The following TLE4 variants were observed in gnomAD, a reference collection of about 807,000 sequenced individuals.
TLE4 encodes TLE family member 4, transcriptional corepressor.
TLE4 carries 8 observed loss-of-function variants against 92.8 expected under a neutral mutation model. The observed-to-expected ratio is 0.09, with a 90% CI of 0.05 to 0.16. The LOEUF is 0.16. Among genes scored for constraint, TLE4 ranks in the 10% least tolerant of loss-of-function variants. The probability of loss-of-function intolerance (pLI) is 1.00; values close to 1 mark genes in which losing one functional copy is unlikely to be tolerated. For synonymous variants in TLE4, 371 were observed against 374.1 expected, an observed-to-expected ratio of 0.99 and a Z score of 0.10; for missense variants, 675 against 997.6, an observed-to-expected ratio of 0.68 and a Z score of 4.36.
intron 4 of TLE4, among the ~76,000 whole-genome samples, chr9:79,599,553 C>A (rs2045036705): frequency 6.6e-6 from 1 of 152,094 alleles, no homozygotes; most frequent in South Asian, 2.1e-4. Flanking sequence ...AGAAAGGGTC[C>A]CAAAGTCAAA....
intron 8 of TLE4, among the ~76,000 whole-genome samples, chr9:79,660,843 TC>T (rs1407437939): frequency 6.6e-6 from 1 of 152,312 alleles, no homozygotes; most frequent in African/African-American, 2.4e-5. Context: ...TGTGAGTGAC[TC>T]GGGGAGACAC....
chr9:79,658,378 T>C (rs747285136), intron 8 of TLE4, among the ~76,000 whole-genome samples: 7 of 152,228 alleles, frequency 4.6e-5, no homozygotes, highest in Non-Finnish European at 7.3e-5. Context: ...GTTTTTTTCC[T>C]GTGCAAATTC....
intron 8 of TLE4, among the ~76,000 whole-genome samples, chr9:79,661,128 T>C (rs187199111): frequency 1.7e-4 from 26 of 152,376 alleles, no homozygotes; most frequent in Admixed American, 3.9e-4. Flanking sequence ...GGCCTAAGAT[T>C]TAAGTTTTAA....
intron 4 of TLE4, among the ~76,000 whole-genome samples, chr9:79,584,904 CAG>C (rs563888768): frequency 2.2e-4 from 34 of 152,260 alleles, no homozygotes; most frequent in African/African-American, 7.2e-4. Context: ...TCATTCCAAA[CAG>C]AATTTAAAAT....
intron 8 of TLE4, among the ~76,000 whole-genome samples, chr9:79,669,564 C>G (rs1193091385): frequency 6.6e-6 from 1 of 152,100 alleles, no homozygotes; most frequent in Non-Finnish European, 1.5e-5. Flanking sequence ...TGGGCACCAT[C>G]ACTCACATTG....
chr9:79,666,530 C>T (rs145268972), intron 8 of TLE4, among the ~76,000 whole-genome samples: 4 of 152,342 alleles, frequency 2.6e-5, no homozygotes, highest in Non-Finnish European at 5.9e-5. Context: ...TGAGCCATCA[C>T]GCCCCACCCC....
chr9:79,685,486 T>C (rs2065658159), intron 8 of TLE4, among the ~76,000 whole-genome samples: 1 of 152,226 alleles, frequency 6.6e-6, no homozygotes, highest in Non-Finnish European at 1.5e-5. Context: ...TTGGATTGTA[T>C]AGCTGTAATG....
Position 79,639,214 on chromosome 9 carries a change from A to G in TLE4, c.390+11766A>G, listed in dbSNP as rs115922464. 6.9e-3 allele frequency among the ~76,000 whole-genome samples: 1,057 copies of G among 152,186 alleles called. 12 individuals are homozygous for G. The highest frequency in any genetic ancestry group is 0.023 in the African/African-American group (973 of 41,514). On this transcript the variant is annotated intron_variant, in intron 6 of 19. Coordinates refer to ENST00000376552, the MANE Select transcript of TLE4 (RefSeq NM_007005.6). ...GAGCCCTGATAATGTTAGGTCATCTATCCATCCCTGGACTTGTAGTGTGAG... is the reference window on the plus strand; with the variant it reads ...GAGCCCTGATAATGTTAGGTCATCTGTCCATCCCTGGACTTGTAGTGTGAG...
intron 4 of TLE4, among the ~76,000 whole-genome samples, chr9:79,596,581 G>A (rs2044075924): frequency 1.3e-5 from 2 of 152,086 alleles, no homozygotes; most frequent in Non-Finnish European, 2.9e-5. Context: ...GGTCCTTGCA[G>A]CCCTTCCCCT....
At chr9:79,669,500 G>A (rs2061919882) in intron 8 of TLE4, among the ~76,000 whole-genome samples, 1 of 152,200 alleles carries the variant, frequency 6.6e-6, no homozygotes, top group Non-Finnish European at 1.5e-5. Flanking sequence ...TGAATAGTCA[G>A]GAAAATTAAG....
intron 8 of TLE4, chr9:79,668,928 G>A (rs1031427148): frequency 1.4e-5 from 10 of 713,156 alleles, no homozygotes; most frequent in African/African-American, 1.9e-5. Flanking sequence ...TTATTCATGA[G>A]GAATTATCAA....
chr9:79,607,454 G>T (rs2132879845), intron 4 of TLE4, among the ~76,000 whole-genome samples: 1 of 152,164 alleles, frequency 6.6e-6, no homozygotes, highest in South Asian at 2.1e-4. Context: ...GCCCATGCCA[G>T]TGTTCTGAAT....
Position 79,713,713 on chromosome 9 carries a change from C to T in TLE4, c.1340+4014C>T, listed in dbSNP as rs939905428. ...TCCTGAGCTCAGAAACTCAGTTACT[C>T]TAGCTCCTCCTCAGATCTCGTCAAT... is the stretch of plus-strand genomic sequence containing the variant. On this transcript the variant is annotated intron_variant, in intron 14 of 19. Transcript: ENST00000376552. 5.9e-5 allele frequency among the ~76,000 whole-genome samples: 9 copies of T among 152,288 alleles called. No individual in the cohort carries two copies. The East Asian group carries it at 1.7e-3, about 29-fold the overall frequency.
intron 6 of TLE4, among the ~76,000 whole-genome samples, chr9:79,629,951 G>A (rs572009249): frequency 3.3e-5 from 5 of 152,174 alleles, no homozygotes; most frequent in Admixed American, 1.3e-4. Flanking sequence ...ATTTTGACAC[G>A]CTACCAAAAA....
intron 8 of TLE4, among the ~76,000 whole-genome samples, chr9:79,688,359 A>T (rs1384148008): frequency 1.3e-5 from 2 of 152,134 alleles, no homozygotes; most frequent in Non-Finnish European, 2.9e-5. Flanking sequence ...TGGTAGATTT[A>T]TAACAGTCCT....
At chr9:79,578,539 A>G (rs976603247) in intron 4 of TLE4, among the ~76,000 whole-genome samples, 2 of 152,214 alleles carry the variant, frequency 1.3e-5, no homozygotes, top group Non-Finnish European at 1.5e-5. Context: ...TGAAGCAAAG[A>G]CAAACAGGGT....
At chr9:79,573,409 G>T in intron 1 of TLE4, 7 of 1,204,180 alleles carry the variant, frequency 5.8e-6, no homozygotes, top group Non-Finnish European at 7.4e-6. Context: ...GTCCCTGGGT[G>T]CCTGTCTTTG....
chr9:79,629,589 C>T (rs970555870), intron 6 of TLE4, among the ~76,000 whole-genome samples: 6 of 152,164 alleles, frequency 3.9e-5, no homozygotes, highest in Admixed American at 6.5e-5. Flanking sequence ...GTGCTATCAA[C>T]GCGGCATATA....
At chr9:79,705,194 G>T (rs2071173532) in intron 9 of TLE4, among the ~76,000 whole-genome samples, 1 of 152,176 alleles carries the variant, frequency 6.6e-6, no homozygotes, top group Non-Finnish European at 1.5e-5. Flanking sequence ...AGAGTGGTTG[G>T]ATTTTCTGTG....
Sources: gnomAD v4.1 joint callset for allele counts (sites outside exome capture counted in the v4.1 genomes callset) on GRCh38, gnomAD v4.1.1 for gene constraint, MANE v1.5 for transcripts, NCBI Gene and HGNC (gene_info 2026-07-23, HGNC 2026-07-21) for gene names.